IFT43: variants seen among roughly 807,000 people sequenced by gnomAD.
IFT43 encodes the protein intraflagellar transport 43.
Under a neutral mutation model 32.3 loss-of-function variants are expected in IFT43, and 33 were observed. The observed-to-expected ratio is 1.02, with a 90% CI of 0.77 to 1.37. The LOEUF (loss-of-function observed/expected upper bound fraction) is 1.37, where lower values mean the gene tolerates loss of function less well. Ranked by LOEUF, IFT43 falls within the 40% of genes most tolerant of loss-of-function variation. The probability of loss-of-function intolerance (pLI) is 0.00; values close to 1 mark genes in which losing one functional copy is unlikely to be tolerated. For synonymous variants in IFT43, 93 were observed against 98.2 expected (o/e 0.95, Z 0.31); for missense variants, 274 against 265.9 (o/e 1.03, Z -0.21).
chr14:76,053,381 G>A (rs1188199313), intron 3 of IFT43, among the ~76,000 whole-genome samples: 1 of 152,134 alleles, frequency 6.6e-6, no homozygotes, highest in Admixed American at 6.5e-5. Context: ...GAGAGGCTAA[G>A]CGTAGGTCAG....
At chr14:76,065,377 C>T (rs539742701) in intron 5 of IFT43, among the ~76,000 whole-genome samples, 5 of 152,314 alleles carry the variant, frequency 3.3e-5, no homozygotes, top group African/African-American at 9.6e-5. Flanking sequence ...ATACAATAAA[C>T]GATATCCTTA....
intron 3 of IFT43, among the ~76,000 whole-genome samples, chr14:76,046,579 C>G (rs373085755): frequency 2.6e-5 from 4 of 152,182 alleles, no homozygotes; most frequent in African/African-American, 9.7e-5. Context: ...AGGGAAGAGA[C>G]TGGATGAGGA....
chr14:75,986,047 C>T lies in IFT43; in HGVS notation c.54+207C>T, dbSNP rs1184472562. 3 of 1,518,420 alleles carry T rather than the reference C, an allele frequency of 2.0e-6. No individual in the cohort carries two copies. The Admixed American group carries it at 6.0e-5, about 30-fold the overall frequency. The allele number at this position is 1,518,420 out of a possible 1,614,324, so 94.1% of individuals were successfully genotyped here. A position where few individuals can be genotyped will look rare whatever the true frequency, so the allele number is the denominator to read the frequency against. On this transcript the variant is annotated intron_variant, in intron 1 of 8. Coordinates refer to ENST00000314067, the MANE Select transcript of IFT43 (RefSeq NM_001102564.3). ...GCCTGGGGTTTGCTTTCTTTAAAAT[C>T]CTCAGAAAGTAGAAAACACCCTGTC... is the stretch of plus-strand genomic sequence containing the variant.
chr14:76,049,843 A>G (rs1325876240), intron 3 of IFT43, among the ~76,000 whole-genome samples: 1 of 146,404 alleles, frequency 6.8e-6, no homozygotes, highest in Non-Finnish European at 1.5e-5. Context: ...GGGGGAAAGC[A>G]AAGAACCCAT....
Position 76,083,719 on chromosome 14 carries a change from C to A in IFT43, c.*142C>A. 1 of 806,954 alleles carries A rather than the reference C, an allele frequency of 1.2e-6. No individual in the cohort carries two copies. The highest frequency in any genetic ancestry group is 2.1e-6 in the Non-Finnish European group (1 of 486,254). 50.0% of individuals were successfully genotyped at this position (806,954 alleles called of 1,614,324 possible). On this transcript the variant is annotated 3_prime_UTR_variant, in exon 9 of 9. Transcript: ENST00000314067. ...TCAACCACATTGGATAATTCAATTG[C>A]AATAAATTGCTTATTCTGTGCCATC...
intron 3 of IFT43, among the ~76,000 whole-genome samples, chr14:76,023,422 G>C (rs1431319076): frequency 6.6e-6 from 1 of 152,202 alleles, no homozygotes; most frequent in Non-Finnish European, 1.5e-5. Context: ...TTATCTCAGA[G>C]ACCCCAAGCA....
intron 3 of IFT43, among the ~76,000 whole-genome samples, chr14:76,036,408 CTTTT>C (rs3086747): frequency 4.2e-5 from 5 of 119,742 alleles, no homozygotes; most frequent in African/African-American, 6.3e-5. Flanking sequence ...TTCTGTCTTT[CTTTT>C]TTTTTTTTTT....
At chr14:76,025,222 T>G (rs1333707748) in intron 3 of IFT43, among the ~76,000 whole-genome samples, 2 of 152,204 alleles carry the variant, frequency 1.3e-5, no homozygotes, top group Non-Finnish European at 2.9e-5. Flanking sequence ...CAAAATGGCA[T>G]ATCTTGAAAG....
At chr14:75,998,120 C>G (rs1382492799) in intron 2 of IFT43, among the ~76,000 whole-genome samples, 1 of 152,198 alleles carries the variant, frequency 6.6e-6, no homozygotes, top group Non-Finnish European at 1.5e-5. Flanking sequence ...TTCCTTATCA[C>G]TTCAATCACA....
intron 3 of IFT43, among the ~76,000 whole-genome samples, chr14:76,022,849 A>G (rs567727460): frequency 6.2e-4 from 95 of 152,348 alleles, no homozygotes; most frequent in African/African-American, 2.2e-3. Flanking sequence ...TCCAAAACAT[A>G]ATGGAATTGC....
chr14:76,017,070 C>T (rs2036201960), intron 2 of IFT43, among the ~76,000 whole-genome samples: 3 of 152,240 alleles, frequency 2.0e-5, no homozygotes, highest in African/African-American at 7.2e-5. Context: ...GCTAGAACTT[C>T]CAGGACTATG....
intron 3 of IFT43, among the ~76,000 whole-genome samples, chr14:76,056,605 T>C (rs751562682): frequency 5.9e-5 from 9 of 152,374 alleles, no homozygotes; most frequent in South Asian, 4.1e-4. Flanking sequence ...ATGTCTCTTA[T>C]GTACACAACG....
At chr14:76,059,748 G>A (rs1375873600) in intron 5 of IFT43, 2 of 332,822 alleles carry the variant, frequency 6.0e-6, no homozygotes, top group Non-Finnish European at 1.2e-5. Flanking sequence ...TATATCCCAA[G>A]CACTGTCCTT....
chr14:76,053,666 C>T (rs926365517), intron 3 of IFT43, among the ~76,000 whole-genome samples: 78 of 152,222 alleles, frequency 5.1e-4, no homozygotes, highest in Admixed American at 3.3e-4. Flanking sequence ...TTTACTGTCA[C>T]TGTCCCAGGT....
At chr14:75,996,881 T>C (rs1408370246) in intron 2 of IFT43, among the ~76,000 whole-genome samples, 1 of 152,196 alleles carries the variant, frequency 6.6e-6, no homozygotes, top group Non-Finnish European at 1.5e-5. Flanking sequence ...ATTGGGAGCT[T>C]TCTGTGTGCC....
Position 76,059,418 on chromosome 14 carries a change from C to G in IFT43, c.295+45C>G, listed in dbSNP as rs556834252. 5 of 1,577,490 alleles carry G rather than the reference C, an allele frequency of 3.2e-6. No individual in the cohort carries two copies. In the South Asian group the frequency reaches 4.4e-5, roughly 14 times the overall value. On this transcript the variant is annotated intron_variant, in intron 5 of 8. Transcript: ENST00000314067. ...AGTCAAAAGGTCTTCTAGAGAGGCC[C>G]CAGAACATTTCCTGGGCTACAGCTA... is the stretch of plus-strand genomic sequence containing the variant.
chr14:76,054,108 A>G (rs1294434531), intron 3 of IFT43, among the ~76,000 whole-genome samples: 5 of 152,218 alleles, frequency 3.3e-5, no homozygotes, highest in Admixed American at 3.3e-4. Context: ...CTCAAGGCTT[A>G]GGGCAGGGAG....
chr14:76,041,044 G>A (rs1424368155), intron 3 of IFT43, among the ~76,000 whole-genome samples: 1 of 152,226 alleles, frequency 6.6e-6, no homozygotes, highest in Non-Finnish European at 1.5e-5. Flanking sequence ...CCAAGTGCAG[G>A]CACAAGCCTT....
chr14:76,007,811 T>C, intron 2 of IFT43, among the ~76,000 whole-genome samples: 1 of 152,114 alleles, frequency 6.6e-6, no homozygotes, highest in East Asian at 1.9e-4. Context: ...CTGAAAGGTA[T>C]ATAGACCCAA....
Sources: allele counts gnomAD v4.1 joint callset (sites outside exome capture counted in the v4.1 genomes callset), GRCh38; gene constraint gnomAD v4.1.1; transcripts MANE v1.5; gene names NCBI Gene and HGNC (gene_info 2026-07-23, HGNC 2026-07-21).